The following PRICKLE2 variants were observed in gnomAD, a reference collection of about 807,000 sequenced individuals.
The protein encoded by PRICKLE2 is prickle-like protein 2.
In PRICKLE2, 21 loss-of-function variants were observed where a neutral mutation model predicts 81.4. The observed-to-expected ratio is 0.26, with a 90% confidence interval of 0.18 to 0.37. The LOEUF (loss-of-function observed/expected upper bound fraction) is 0.37. Ranked by LOEUF, PRICKLE2 falls within the 10% of genes least tolerant of loss-of-function variation. The pLI is 1.00. For missense variants in PRICKLE2, 940 were observed against 1,109.0 expected (o/e 0.85, Z 2.16); for synonymous variants, 456 against 421.5 (o/e 1.08, Z -1.00).
At chr3:64,266,373 T>G (rs1472689096) in intron 2 of PRICKLE2, among the ~76,000 whole-genome samples, 1 of 152,208 alleles carries the variant, frequency 6.6e-6, no homozygotes, top group Admixed American at 6.5e-5. Flanking sequence ...CTGATTTCTG[T>G]TCTGCATTTC....
chr3:64,260,242 T>C (rs1028077983), intron 2 of PRICKLE2, among the ~76,000 whole-genome samples: 1 of 152,112 alleles, frequency 6.6e-6, no homozygotes, highest in Non-Finnish European at 1.5e-5. Context: ...TACACCACAC[T>C]GAACGCACTA....
rs727504105 is a variant in PRICKLE2 at position 64,157,246 on chromosome 3, C to T, written c.516G>A (p.Leu172=). 2.5e-6 allele frequency: 4 copies of T among 1,614,110 alleles called. No homozygotes were observed. The highest frequency in any genetic ancestry group is 3.4e-6 in the Non-Finnish European group (4 of 1,180,042). The part of the protein sequence containing the change: ...CTVCNELLVD[L]IYFYQDGKIY... Reference sequence around the variant, plus strand: ...TCTTCCCATCTTGGTAAAAGTAGATCAGATCCACCAGGAGCTCATTGCAGA... The same window carrying T: ...TCTTCCCATCTTGGTAAAAGTAGATTAGATCCACCAGGAGCTCATTGCAGA... The change falls in exon 5 of 8, where the codon CTG becomes CTA. Residue 172 remains leucine, a synonymous_variant. Coordinates refer to ENST00000638394, the MANE Select transcript of PRICKLE2 (RefSeq NM_198859.4).
chr3:64,148,664 AG>A (rs1159657627), intron 6 of PRICKLE2, among the ~76,000 whole-genome samples: 1 of 152,336 alleles, frequency 6.6e-6, no homozygotes, highest in East Asian at 1.9e-4. Flanking sequence ...GGAGGTGACT[AG>A]GTCATGAGAG....
chr3:64,206,828 C>T (rs888208377), intron 1 of PRICKLE2, among the ~76,000 whole-genome samples: 2 of 152,216 alleles, frequency 1.3e-5, no homozygotes, highest in Non-Finnish European at 2.9e-5. Context: ...CCAAAGCTCT[C>T]CATTGCTTTT....
chr3:64,140,376 C>T (rs1175848019), intron 7 of PRICKLE2, among the ~76,000 whole-genome samples: 8 of 152,298 alleles, frequency 5.3e-5, no homozygotes, highest in East Asian at 3.9e-4. Context: ...TAAACAGAAA[C>T]GTTGTTTCCC....
At chr3:64,138,275 T>C (rs2077307363) in intron 7 of PRICKLE2, among the ~76,000 whole-genome samples, 1 of 152,180 alleles carries the variant, frequency 6.6e-6, no homozygotes, top group Non-Finnish European at 1.5e-5. Context: ...GTTCCTGGGA[T>C]GGGACATGAC....
chr3:64,165,966 GT>G (rs2077822798), intron 2 of PRICKLE2, among the ~76,000 whole-genome samples: 167 of 121,356 alleles, frequency 1.4e-3, no homozygotes, highest in African/African-American at 5.2e-3. Flanking sequence ...TTATAAAGGT[GT>G]GTGTGTGTGT....
At chr3:64,124,682 C>T (rs1277609982) in intron 7 of PRICKLE2, among the ~76,000 whole-genome samples, 2 of 152,152 alleles carry the variant, frequency 1.3e-5, no homozygotes, top group African/African-American at 4.8e-5. Context: ...GCCTGGATGA[C>T]AGCAAATAAG....
intron 7 of PRICKLE2, among the ~76,000 whole-genome samples, chr3:64,128,158 G>T (rs935127619): frequency 4.6e-5 from 7 of 152,144 alleles, no homozygotes; most frequent in Non-Finnish European, 8.8e-5. Context: ...CACAGTGTGG[G>T]CAGGAAGGGC....
Position 64,153,339 on chromosome 3 carries a change from A to G in PRICKLE2, c.630T>C (p.Ala210=). 1 of 1,614,172 alleles carries G rather than the reference A, an allele frequency of 6.2e-7. No homozygotes were observed. The highest frequency in any genetic ancestry group is 8.5e-7 in the Non-Finnish European group (1 of 1,180,030). ...GTTTCATGTGCCAGTGTCGCCCCTC[A>G]GCTTCTGTGCATTCATCTGCAAAGA... ...EIIFADECTE[A]EGRHWHMKHF... The change falls in exon 6 of 8, where the codon GCT becomes GCC. Residue 210 remains alanine (A), a synonymous_variant. Coordinates refer to ENST00000638394, the MANE Select transcript of PRICKLE2 (RefSeq NM_198859.4).
chr3:64,236,971 A>C (rs568001133), intron 2 of PRICKLE2, among the ~76,000 whole-genome samples: 3 of 152,216 alleles, frequency 2.0e-5, no homozygotes, highest in African/African-American at 7.2e-5. Flanking sequence ...GAAATGGGAT[A>C]GTTCCCTTAA....
intron 6 of PRICKLE2, among the ~76,000 whole-genome samples, chr3:64,149,969 C>CTTTTTTTT (rs34841544): frequency 9.1e-6 from 1 of 109,736 alleles, no homozygotes; most frequent in Non-Finnish European, 1.7e-5. Context: ...TCAACTCCAT[C>CTTTTTTTT]TTTTTTTTTT....
chr3:64,178,444 T>C lies in PRICKLE2; in HGVS notation c.145-15315A>G, dbSNP rs140167852. Among the ~76,000 whole-genome samples, 36 of 152,330 alleles carry C rather than the reference T, an allele frequency of 2.4e-4. 1 individual carries two copies. In the East Asian group the frequency reaches 5.6e-3, roughly 24 times the overall value. On this transcript the variant is annotated intron_variant, in intron 2 of 7. Coordinates refer to ENST00000638394, the MANE Select transcript of PRICKLE2 (RefSeq NM_198859.4). ...CTGAACACTGGCAGTGAAAAGCTTT[T>C]TTCCTGGATATGATACATGTGACTT... is the stretch of plus-strand genomic sequence containing the variant.
chr3:64,149,752 C>A (rs143317753), intron 6 of PRICKLE2, among the ~76,000 whole-genome samples: 1 of 152,316 alleles, frequency 6.6e-6, no homozygotes, highest in African/African-American at 2.4e-5. Context: ...CCTTTCTCCT[C>A]CCTGACTCAC....
chr3:64,151,075 C>T (rs986514857), intron 6 of PRICKLE2, among the ~76,000 whole-genome samples: 4 of 152,188 alleles, frequency 2.6e-5, no homozygotes, highest in African/African-American at 9.6e-5. Context: ...CTGCTGTGCA[C>T]AGGCAAAAGT....
intron 2 of PRICKLE2, among the ~76,000 whole-genome samples, chr3:64,245,952 C>T (rs1035028447): frequency 2.0e-5 from 3 of 152,102 alleles, no homozygotes; most frequent in African/African-American, 7.2e-5. Flanking sequence ...TCCTGAATAT[C>T]ATTTAAAAAC....
chr3:64,173,545 G>GA, intron 2 of PRICKLE2, among the ~76,000 whole-genome samples: 1 of 152,206 alleles, frequency 6.6e-6, no homozygotes, highest in East Asian at 1.9e-4. Context: ...CAAAATTCCT[G>GA]AAAACTGACC....
intron 2 of PRICKLE2, among the ~76,000 whole-genome samples, chr3:64,264,733 C>G (rs115152808): frequency 2.2e-4 from 33 of 152,218 alleles, no homozygotes; most frequent in African/African-American, 7.9e-4. Flanking sequence ...TGCAAATGTT[C>G]CCAAGAGATC....
intron 2 of PRICKLE2, among the ~76,000 whole-genome samples, chr3:64,245,906 A>G (rs1216110093): frequency 6.6e-6 from 1 of 152,186 alleles, no homozygotes; most frequent in East Asian, 1.9e-4. Flanking sequence ...TCATTAAATG[A>G]TAATTCACTG....
Sources: allele counts gnomAD v4.1 joint callset (sites outside exome capture counted in the v4.1 genomes callset), GRCh38; gene constraint gnomAD v4.1.1; transcripts MANE v1.5; gene names NCBI Gene and HGNC (gene_info 2026-07-23, HGNC 2026-07-21).